The following RTL9 variants were observed in gnomAD, a reference collection of about 807,000 sequenced individuals.
The protein encoded by RTL9 is retrotransposon Gag-like protein 9.
A neutral mutation model predicts 44.7 loss-of-function variants in RTL9; 19 were observed. The ratio of observed to expected loss-of-function variants is 0.42; its 90% CI spans 0.30 to 0.62. RTL9 has a LOEUF of 0.62. Among genes scored for constraint, RTL9 ranks in the 20% least tolerant of loss-of-function variants. RTL9 has a pLI of 0.16. For synonymous variants in RTL9, 407 were observed against 398.9 expected, an observed-to-expected ratio of 1.02 and a Z score of -0.24; for missense variants, 1,105 against 1,080.6, an observed-to-expected ratio of 1.02 and a Z score of -0.32.
exon 1 of RTL9, chrX:110,453,429 A>G (rs750228850): frequency 8.3e-7 from 1 of 1,211,777 alleles, no homozygotes; most frequent in Non-Finnish European, 1.1e-6. Flanking sequence ...ACATATGTCC[A>G]CTGCACAAAC....
intron 1 of RTL9, among the ~76,000 whole-genome samples, chrX:110,432,587 A>G (rs1301217522): frequency 1.8e-5 from 2 of 111,515 alleles, no homozygotes; most frequent in African/African-American, 6.5e-5. Flanking sequence ...TCTATTTTTC[A>G]CTGTATTGTG....
chrX:110,411,912 G>C (rs1425058670), intron 1 of RTL9, among the ~76,000 whole-genome samples: 1 of 112,228 alleles, frequency 8.9e-6, no homozygotes. Flanking sequence ...GCATACAGTA[G>C]GTACTCAATA....
chrX:110,439,749 G>A (rs1280217697), intron 1 of RTL9: 2 of 110,545 alleles, frequency 1.8e-5, no homozygotes, highest in African/African-American at 6.6e-5. Flanking sequence ...GGGCGAAGGG[G>A]AGCCGTGGGG....
At chrX:110,428,780 A>G (rs1455606315) in intron 1 of RTL9, among the ~76,000 whole-genome samples, 1 of 111,987 alleles carries the variant, frequency 8.9e-6, no homozygotes, top group Non-Finnish European at 1.9e-5. Flanking sequence ...CCTATGGAAT[A>G]CCAGCCACAT....
At position 110,371,360 on chromosome X, in the gene RTL9, G is replaced by A. The variant is rs1337998259; in HGVS notation, c.-168+12444G>A. Reference sequence around the variant, plus strand: ...AAATAAACACATCATGAAGAATGGGGTATCCATACCCTCAAGCATTTACTC... The same window carrying A: ...AAATAAACACATCATGAAGAATGGGATATCCATACCCTCAAGCATTTACTC... On this transcript the variant is annotated intron_variant, in intron 1 of 2. Coordinates refer to the RTL9 transcript ENST00000520821. Among the ~76,000 whole-genome samples, 4 of 111,737 alleles carry A rather than the reference G, an allele frequency of 3.6e-5. No individual in the cohort carries two copies. The Admixed American group carries it at 3.8e-4, about 11-fold the overall frequency.
intron 1 of RTL9, among the ~76,000 whole-genome samples, chrX:110,427,877 G>A (rs952572344): frequency 5.4e-5 from 6 of 111,513 alleles, no homozygotes; most frequent in Non-Finnish European, 1.1e-4. Flanking sequence ...CATTCCCACT[G>A]CTGTGCCCAT....
intron 1 of RTL9, among the ~76,000 whole-genome samples, chrX:110,426,284 A>G (rs773640924): frequency 2.1e-4 from 24 of 112,053 alleles, no homozygotes; most frequent in Non-Finnish European, 3.8e-4. Flanking sequence ...CTCTTCTTCC[A>G]TCTATCATGT....
chrX:110,455,087 T>G, intron 1 of RTL9, 115 bp from the exon 4 acceptor site: 278 of 967,143 alleles, frequency 2.9e-4, no homozygotes, highest in Non-Finnish European at 3.7e-4. Context: ...TGTATGCAAG[T>G]GAGATAAATT....
At chrX:110,407,154 G>T (rs1219221386) in intron 1 of RTL9, among the ~76,000 whole-genome samples, 1 of 112,362 alleles carries the variant, frequency 8.9e-6, no homozygotes, top group African/African-American at 3.2e-5. Flanking sequence ...ACCTGTTTAA[G>T]TATAGTTTCT....
chrX:110,441,243 G>C (rs1216648035), intron 1 of RTL9, among the ~76,000 whole-genome samples: 1 of 111,824 alleles, frequency 8.9e-6, no homozygotes, highest in African/African-American at 3.3e-5. Context: ...GAGTAACTCA[G>C]AGAGTTGAAA....
At chrX:110,421,441 A>G (rs2068716597) in intron 1 of RTL9, among the ~76,000 whole-genome samples, 1 of 112,734 alleles carries the variant, frequency 8.9e-6, no homozygotes, top group African/African-American at 3.2e-5. Flanking sequence ...TAGATAAGTC[A>G]CGGGTCAGAG....
At chrX:110,369,751 T>C (rs1195210917) in intron 1 of RTL9, among the ~76,000 whole-genome samples, 1 of 112,286 alleles carries the variant, frequency 8.9e-6, no homozygotes, top group Non-Finnish European at 1.9e-5. Flanking sequence ...ATAATTCATT[T>C]TTAAACTGTA....
chrX:110,431,352 T>TGC (rs1556199914), intron 1 of RTL9, among the ~76,000 whole-genome samples: 1 of 109,475 alleles, frequency 9.1e-6, no homozygotes, highest in Non-Finnish European at 1.9e-5. Context: ...TGTGTGTGTG[T>TGC]GTGCTGGCTG....
At chrX:110,450,746 T>G in exon 1 of RTL9, 1 of 1,211,376 alleles carries the variant, frequency 8.3e-7, no homozygotes, top group Non-Finnish European at 1.1e-6. Context: ...AGATTCTGCA[T>G]TCTCATGTAC....
intron 1 of RTL9, among the ~76,000 whole-genome samples, chrX:110,406,648 T>C (rs756949112): frequency 1.8e-5 from 2 of 112,082 alleles, no homozygotes; most frequent in African/African-American, 6.5e-5. Flanking sequence ...GGTCAAATGG[T>C]ATTTCTAGTT....
At chrX:110,373,496 G>A (rs1431188604) in intron 1 of RTL9, among the ~76,000 whole-genome samples, 2 of 111,842 alleles carry the variant, frequency 1.8e-5, no homozygotes, top group African/African-American at 6.5e-5. Flanking sequence ...TTACGGAAGG[G>A]TTCTAACAGA....
chrX:110,397,029 T>C (rs756807452), intron 1 of RTL9, among the ~76,000 whole-genome samples: 1 of 112,217 alleles, frequency 8.9e-6, no homozygotes, highest in East Asian at 2.8e-4. Context: ...ACATTTCTCC[T>C]GTCTTTCTAG....
In RTL9 at chrX:110,388,103, A is replaced by C. The variant is rs367823725; in HGVS notation, c.-168+29187A>C. Reference sequence around the variant, plus strand: ...AGGATGGTCTCGATCTCCTGACCTCATGATCTGCCCGCCTCAGCCTCCCAA... The same window carrying C: ...AGGATGGTCTCGATCTCCTGACCTCCTGATCTGCCCGCCTCAGCCTCCCAA... On this transcript the variant is annotated intron_variant, in intron 1 of 2. Transcript: ENST00000520821. Among the ~76,000 whole-genome samples, 8 of 110,592 alleles carry C rather than the reference A, an allele frequency of 7.2e-5. No individual in the cohort carries two copies. The East Asian group carries it at 2.3e-3, about 32-fold the overall frequency.
At chrX:110,446,954 A>G (rs1431525435), upstream of RTL9, among the ~76,000 whole-genome samples, 1 of 110,733 alleles carries the variant, frequency 9.0e-6, no homozygotes, top group Non-Finnish European at 1.9e-5. Context: ...AATAGAACCT[A>G]CCTCGTAGTA....
Sources: gnomAD v4.1 joint callset for allele counts (sites outside exome capture counted in the v4.1 genomes callset) on GRCh38, gnomAD v4.1.1 for gene constraint, MANE v1.5 for transcripts, NCBI Gene and HGNC (gene_info 2026-07-23, HGNC 2026-07-21) for gene names.